TMEM131L: variants seen among roughly 807,000 people sequenced by gnomAD.
TMEM131L encodes transmembrane 131 like, also known as transmembrane protein 131-like.
A neutral mutation model predicts 192.2 loss-of-function variants in TMEM131L; 54 were observed. The ratio of observed to expected loss-of-function variants is 0.28; its 90% CI spans 0.23 to 0.35. The LOEUF (loss-of-function observed/expected upper bound fraction) is 0.35, where lower values mean the gene tolerates loss of function less well. Among genes scored for constraint, TMEM131L ranks in the 10% least tolerant of loss-of-function variants. TMEM131L has a pLI of 1.00. For synonymous variants in TMEM131L, 701 were observed against 704.9 expected, an observed-to-expected ratio of 0.99 and a Z score of 0.09; for missense variants, 1,888 against 1,972.9, an observed-to-expected ratio of 0.96 and a Z score of 0.82.
chr4:153,580,762 TTA>T (rs1157159791), intron 7 of TMEM131L, 62 bp from the exon 8 acceptor site: 13 of 878,964 alleles, frequency 1.5e-5, no homozygotes, highest in Non-Finnish European at 2.4e-5. Flanking sequence ...GATAAATTGT[TTA>T]TTATTAGTGT....
At chr4:153,596,612 T>C (rs1459312850) in intron 20 of TMEM131L, among the ~76,000 whole-genome samples, 2 of 152,200 alleles carry the variant, frequency 1.3e-5, no homozygotes, top group East Asian at 3.8e-4. Flanking sequence ...CGTGCATGTC[T>C]CCAGGAGAGG....
In TMEM131L at chr4:153,592,427, G is replaced by T. The variant is rs1394287723; in HGVS notation, c.1813-48G>T. 4.0e-6 allele frequency: 5 copies of T among 1,248,216 alleles called. No homozygotes were observed. In the African/African-American group the frequency reaches 7.4e-5, roughly 18 times the overall value. The allele number at this position is 1,248,216 out of a possible 1,614,324, so 77.3% of individuals were successfully genotyped here. A position where few individuals can be genotyped will look rare whatever the true frequency, so the allele number is the denominator to read the frequency against. On this transcript the variant is annotated intron_variant, in intron 17 of 34. Transcript: ENST00000409959. ...TTTTTGGCCAGAATATCTCAGGAGGGATGCTGTGTCCCTCTCGGGGTTTTA... is the reference window on the plus strand; with the variant it reads ...TTTTTGGCCAGAATATCTCAGGAGGTATGCTGTGTCCCTCTCGGGGTTTTA...
intron 4 of TMEM131L, among the ~76,000 whole-genome samples, chr4:153,550,642 A>G (rs1436520467): frequency 6.6e-6 from 1 of 151,800 alleles, no homozygotes; most frequent in Non-Finnish European, 1.5e-5. Context: ...AATTTTTAAT[A>G]AGTATACCTT....
intron 7 of TMEM131L, among the ~76,000 whole-genome samples, chr4:153,574,189 C>T (rs1729780097): frequency 6.6e-6 from 1 of 152,170 alleles, no homozygotes; most frequent in Admixed American, 6.5e-5. Flanking sequence ...ATGCAGTAGC[C>T]TCTTTTTTCC....
intron 3 of TMEM131L, among the ~76,000 whole-genome samples, chr4:153,529,425 A>G (rs1735732997): frequency 6.6e-6 from 1 of 152,188 alleles, no homozygotes; most frequent in Admixed American, 6.5e-5. Flanking sequence ...TAGTCAGTGT[A>G]TATGTTTCCA....
intron 2 of TMEM131L, 120 bp downstream of exon 2, chr4:153,467,401 A>G (rs2149692693): frequency 1.2e-6 from 1 of 847,804 alleles, no homozygotes; most frequent in Non-Finnish European, 1.9e-6. Flanking sequence ...TTTGCAAGGC[A>G]AATAAACGTT....
chr4:153,553,807 G>T (rs1737810589), intron 4 of TMEM131L, among the ~76,000 whole-genome samples: 1 of 152,214 alleles, frequency 6.6e-6, no homozygotes, highest in African/African-American at 2.4e-5. Context: ...CATTCATAGA[G>T]ATTTTAATCA....
intron 4 of TMEM131L, among the ~76,000 whole-genome samples, chr4:153,553,332 G>C (rs1737773459): frequency 6.6e-6 from 1 of 152,006 alleles, no homozygotes; most frequent in Non-Finnish European, 1.5e-5. Context: ...AATGCCATTT[G>C]CTCAAGGTCA....
chr4:153,566,213 G>A (rs760690829), intron 7 of TMEM131L, among the ~76,000 whole-genome samples: 1 of 151,376 alleles, frequency 6.6e-6, no homozygotes, highest in African/African-American at 2.4e-5. Context: ...TCGGCTCACT[G>A]CAAGCTCCGC....
At chr4:153,503,501 G>A (rs1184568585) in intron 3 of TMEM131L, among the ~76,000 whole-genome samples, 1 of 152,126 alleles carries the variant, frequency 6.6e-6, no homozygotes, top group African/African-American at 2.4e-5. Context: ...TCTATTTAAA[G>A]TAACTAAGAT....
chr4:153,526,592 G>C (rs1401558813), intron 3 of TMEM131L, among the ~76,000 whole-genome samples: 4 of 152,064 alleles, frequency 2.6e-5, no homozygotes, highest in Non-Finnish European at 5.9e-5. Flanking sequence ...AAAAAAATTA[G>C]CCGGGCGTGG....
chr4:153,589,706 C>T (rs147883984), intron 16 of TMEM131L, among the ~76,000 whole-genome samples: 4 of 152,320 alleles, frequency 2.6e-5, no homozygotes, highest in Admixed American at 6.5e-5. Flanking sequence ...TTCTAGTGAT[C>T]GATACTTCTC....
intron 3 of TMEM131L, among the ~76,000 whole-genome samples, chr4:153,510,518 G>A (rs745729226): frequency 6.6e-6 from 1 of 152,084 alleles, no homozygotes; most frequent in Non-Finnish European, 1.5e-5. Context: ...TACTGCTGGG[G>A]CTGCTGGGAA....
chr4:153,611,366 C>T (rs1009435604), intron 25 of TMEM131L, among the ~76,000 whole-genome samples: 4 of 152,236 alleles, frequency 2.6e-5, no homozygotes, highest in Admixed American at 1.3e-4. Flanking sequence ...AGAGACTTAA[C>T]TTTGACTGTA....
chr4:153,470,252 T>G (rs922569218), intron 2 of TMEM131L, among the ~76,000 whole-genome samples: 1 of 152,182 alleles, frequency 6.6e-6, no homozygotes, highest in African/African-American at 2.4e-5. Flanking sequence ...CAGAAGACTT[T>G]GAGAAGATTA....
chr4:153,494,302 T>C (rs1733005922), intron 3 of TMEM131L, among the ~76,000 whole-genome samples: 1 of 152,232 alleles, frequency 6.6e-6, no homozygotes, highest in South Asian at 2.1e-4. Flanking sequence ...GTATTTACAA[T>C]TATATCCATC....
intron 17 of TMEM131L, among the ~76,000 whole-genome samples, chr4:153,591,693 G>T (rs1250396523): frequency 6.6e-6 from 1 of 152,158 alleles, no homozygotes; most frequent in Admixed American, 6.6e-5. Context: ...AAGTCTCATG[G>T]CTAAGAACTC....
chr4:153,540,545 G>A (rs1736700572), intron 3 of TMEM131L, among the ~76,000 whole-genome samples: 1 of 152,224 alleles, frequency 6.6e-6, no homozygotes, highest in African/African-American at 2.4e-5. Flanking sequence ...ATAACACTGT[G>A]AGCCTGTGAA....
intron 3 of TMEM131L, among the ~76,000 whole-genome samples, chr4:153,485,437 G>A (rs1732262680): frequency 6.6e-6 from 1 of 152,202 alleles, no homozygotes; most frequent in African/African-American, 2.4e-5. Context: ...CCCCTGTGAA[G>A]TGCCCAGATA....
Sources: allele counts gnomAD v4.1 joint callset (sites outside exome capture counted in the v4.1 genomes callset), GRCh38; gene constraint gnomAD v4.1.1; transcripts MANE v1.5; gene names NCBI Gene and HGNC (gene_info 2026-07-23, HGNC 2026-07-21).